RBM27: variants seen among roughly 807,000 people sequenced by gnomAD.
RBM27 encodes RNA binding motif protein 27.
Under a neutral mutation model 135.3 loss-of-function variants are expected in RBM27, and 22 were observed. The ratio of observed to expected loss-of-function variants is 0.16; its 90% CI spans 0.12 to 0.23. RBM27 has a LOEUF of 0.23. RBM27 is among the 10% of genes least tolerant of loss of function. RBM27 has a pLI of 1.00. For missense variants in RBM27, 1,009 were observed against 1,281.0 expected (o/e 0.79, Z 3.24); for synonymous variants, 481 against 442.4 (o/e 1.09, Z -1.10).
intron 16 of RBM27, 31 bp from the exon 17 acceptor site, chr5:146,269,389 A>G (rs1254898988): frequency 6.6e-7 from 1 of 1,513,522 alleles, no homozygotes; most frequent in Non-Finnish European, 8.9e-7. Flanking sequence ...TTTATTAAGC[A>G]TGGTTTTACC....
At chr5:146,249,806 T>C (rs1757805489) in intron 8 of RBM27, among the ~76,000 whole-genome samples, 1 of 152,156 alleles carries the variant, frequency 6.6e-6, no homozygotes, top group Non-Finnish European at 1.5e-5. Flanking sequence ...CCATCAACTT[T>C]TATTTTAAGT....
At chr5:146,234,124 C>A (rs1388278671) in intron 7 of RBM27, among the ~76,000 whole-genome samples, 2 of 152,118 alleles carry the variant, frequency 1.3e-5, no homozygotes, top group Non-Finnish European at 2.9e-5. Flanking sequence ...CCTGCCTTGG[C>A]CTCCCAAAGT....
In RBM27 at chr5:146,203,634, A is replaced by T; in HGVS notation, c.-132A>T. ...CCTGTTAGGCCCCGGCCGGGGGAGTAGGTTGAAGTCTCCTAAGATGCCCGG... is the reference window on the plus strand; with the variant it reads ...CCTGTTAGGCCCCGGCCGGGGGAGTTGGTTGAAGTCTCCTAAGATGCCCGG... On this transcript the variant is annotated 5_prime_UTR_variant, in exon 1 of 21. Coordinates refer to ENST00000265271, the MANE Select transcript of RBM27 (RefSeq NM_018989.2). 1 of 769,568 alleles carries T rather than the reference A, an allele frequency of 1.3e-6. No homozygotes were observed. Among genetic ancestry groups the T allele is most frequent in the Non-Finnish European group, 2.2e-6 (1 of 462,822 alleles). 47.7% of individuals were successfully genotyped at this position (769,568 alleles called of 1,614,324 possible). A position where few individuals can be genotyped will look rare whatever the true frequency, so the allele number is the denominator to read the frequency against.
At position 146,233,753 on chromosome 5, in the gene RBM27, T is replaced by C. The variant is rs1332689164; in HGVS notation, c.1144+10T>C. 1 of 1,372,522 alleles carries C rather than the reference T, an allele frequency of 7.3e-7. No individual in the cohort carries two copies. Among genetic ancestry groups the C allele is most frequent in the Non-Finnish European group, 9.5e-7 (1 of 1,056,210 alleles). The allele number at this position is 1,372,522 out of a possible 1,614,324, so 85.0% of individuals were successfully genotyped here. ...GTGCTTCCCATACCAAGTAAGTATATATTTGTTGAATTTTTCTCTAGCGTT... is the reference window on the plus strand; with the variant it reads ...GTGCTTCCCATACCAAGTAAGTATACATTTGTTGAATTTTTCTCTAGCGTT... On this transcript the variant is annotated intron_variant, in intron 7 of 20. Coordinates refer to ENST00000265271, the MANE Select transcript of RBM27 (RefSeq NM_018989.2).
At chr5:146,258,061 C>A (rs773419883) in intron 10 of RBM27, among the ~76,000 whole-genome samples, 1 of 152,024 alleles carries the variant, frequency 6.6e-6, no homozygotes, top group Non-Finnish European at 1.5e-5. Context: ...TCAGGTGATC[C>A]GCCCGCCTCG....
At chr5:146,204,414 C>T (rs1467461457) in intron 1 of RBM27, among the ~76,000 whole-genome samples, 1 of 151,916 alleles carries the variant, frequency 6.6e-6, no homozygotes, top group Non-Finnish European at 1.5e-5. Flanking sequence ...GATGTGTGGG[C>T]ATTGAAGGGT....
At chr5:146,275,171 T>C (rs1759040832) in intron 19 of RBM27, among the ~76,000 whole-genome samples, 3 of 151,426 alleles carry the variant, frequency 2.0e-5, no homozygotes, top group Non-Finnish European at 4.4e-5. Context: ...ATATCAAATA[T>C]TTAAGTTAAA....
intron 2 of RBM27, among the ~76,000 whole-genome samples, chr5:146,221,526 T>C (rs1756464599): frequency 6.6e-6 from 1 of 152,146 alleles, no homozygotes; most frequent in Non-Finnish European, 1.5e-5. Flanking sequence ...CTCTACCTGC[T>C]GGGCTCAAGC....
At chr5:146,244,211 T>C (rs189337262) in intron 8 of RBM27, among the ~76,000 whole-genome samples, 68 of 152,266 alleles carry the variant, frequency 4.5e-4, no homozygotes, top group African/African-American at 1.6e-3. Context: ...AAAGTTAATA[T>C]TGGCTGAATG....
Position 146,240,290 on chromosome 5 carries a change from T to TTCTGTCTG in RBM27, c.1279+2861_1279+2862insGTCTGTCT, listed in dbSNP as rs574710950. On this transcript the variant is annotated intron_variant, in intron 8 of 20. Transcript: ENST00000265271. ...ATACTTGGAAGACATGATTGCTGTT[T>TTCTGTCTG]TCTATCTGTCTGTCTGTCTGTCTGT... Among the ~76,000 whole-genome samples, 609 of 146,582 alleles carry TTCTGTCTG rather than the reference T, an allele frequency of 4.2e-3. 8 individuals are homozygous for TTCTGTCTG. In the East Asian group the frequency reaches 0.055, roughly 13 times the overall value.
intron 10 of RBM27, among the ~76,000 whole-genome samples, chr5:146,255,625 A>G (rs374984151): frequency 2.0e-5 from 3 of 152,312 alleles, no homozygotes; most frequent in South Asian, 4.2e-4. Context: ...AAATGCAAGC[A>G]TTTACCTTTA....
Position 146,203,705 on chromosome 5 carries a change from G to A in RBM27, c.-61G>A, listed in dbSNP as rs929118971. On this transcript the variant is annotated 5_prime_UTR_variant, in exon 1 of 21. Transcript: ENST00000265271. ...TGTGAAGGGAACGTGAGGGGGCGGC[G>A]TAGTGGAGACCCACGGCAGGCCTGA... The A allele has an allele frequency of 2.1e-4, 310 of 1,461,176 alleles. No homozygotes were observed. The highest frequency in any genetic ancestry group is 2.7e-4 in the Non-Finnish European group (289 of 1,066,076). The allele number at this position is 1,461,176 out of a possible 1,614,324, so 90.5% of individuals were successfully genotyped here. A position where few individuals can be genotyped will look rare whatever the true frequency, so the allele number is the denominator to read the frequency against.
At chr5:146,259,659 A>G (rs1758289103) in intron 11 of RBM27, among the ~76,000 whole-genome samples, 1 of 151,410 alleles carries the variant, frequency 6.6e-6, no homozygotes, top group African/African-American at 2.4e-5. Flanking sequence ...ATTGCTGTTC[A>G]CCTTTTCTAT....
chr5:146,217,138 T>C (rs1181634304), intron 1 of RBM27, among the ~76,000 whole-genome samples: 1 of 152,074 alleles, frequency 6.6e-6, no homozygotes, highest in Non-Finnish European at 1.5e-5. Flanking sequence ...GGCTAATTTT[T>C]GTATTTTTAG....
intron 6 of RBM27, 151 bp from the exon 7 acceptor site, chr5:146,233,299 G>T: frequency 1.6e-6 from 2 of 1,221,028 alleles, no homozygotes; most frequent in Non-Finnish European, 2.1e-6. Context: ...GGGGATATGT[G>T]ATGCTTAACA....
chr5:146,250,382 A>G (rs1757828401), intron 8 of RBM27, among the ~76,000 whole-genome samples: 1 of 147,342 alleles, frequency 6.8e-6, no homozygotes, highest in Non-Finnish European at 1.5e-5. Flanking sequence ...CGGAGCTTGC[A>G]GTGAGCACCA....
intron 10 of RBM27, among the ~76,000 whole-genome samples, chr5:146,257,642 C>G (rs1364210248): frequency 6.6e-6 from 1 of 152,144 alleles, no homozygotes; most frequent in African/African-American, 2.4e-5. Context: ...CCTATATAAG[C>G]ACAGTATTAT....
At chr5:146,207,389 A>AT (rs1404423297) in intron 1 of RBM27, among the ~76,000 whole-genome samples, 1 of 149,882 alleles carries the variant, frequency 6.7e-6, no homozygotes, top group Admixed American at 6.7e-5. Flanking sequence ...AATTTTTTGT[A>AT]TTTTTTAGTA....
chr5:146,251,616 T>A, intron 8 of RBM27, 95 bp from the exon 9 acceptor site: 1 of 1,215,844 alleles, frequency 8.2e-7, no homozygotes, highest in East Asian at 2.4e-5. Flanking sequence ...GTTTAATTTC[T>A]CTGTTTTTGG....
Sources: allele counts gnomAD v4.1 joint callset (sites outside exome capture counted in the v4.1 genomes callset), GRCh38; gene constraint gnomAD v4.1.1; transcripts MANE v1.5; gene names NCBI Gene and HGNC (gene_info 2026-07-23, HGNC 2026-07-21).